The following ROBO1 variants were observed in gnomAD, a reference collection of about 807,000 sequenced individuals.
The protein encoded by ROBO1 is roundabout guidance receptor 1.
ROBO1 carries 149 observed loss-of-function variants against 195.9 expected under a neutral mutation model. The ratio of observed to expected loss-of-function variants is 0.76; its 90% CI spans 0.67 to 0.87. The LOEUF (loss-of-function observed/expected upper bound fraction) is 0.87, where lower values mean the gene tolerates loss of function less well. Ranked by LOEUF, ROBO1 falls within the 40% of genes least tolerant of loss-of-function variation. ROBO1 has a pLI of 0.00. For synonymous variants in ROBO1, 816 were observed against 733.2 expected, an observed-to-expected ratio of 1.11 and a Z score of -1.82; for missense variants, 1,933 against 2,068.3, an observed-to-expected ratio of 0.93 and a Z score of 1.27.
At chr3:79,604,029 T>C (rs186108655) in intron 1 of ROBO1, among the ~76,000 whole-genome samples, 24 of 152,184 alleles carry the variant, frequency 1.6e-4, no homozygotes, top group African/African-American at 5.5e-4. Context: ...GCAGGAGTTG[T>C]TCTTTTAATA....
At chr3:79,445,650 T>A (rs568112127) in intron 2 of ROBO1, among the ~76,000 whole-genome samples, 6 of 149,646 alleles carry the variant, frequency 4.0e-5, no homozygotes, top group Admixed American at 6.6e-5. Flanking sequence ...GTGCACACCA[T>A]CAGGCCTGGC....
chr3:79,652,878 T>C (rs1946052551), intron 1 of ROBO1, among the ~76,000 whole-genome samples: 1 of 152,016 alleles, frequency 6.6e-6, no homozygotes, highest in Admixed American at 6.6e-5. Context: ...AAATATTCTA[T>C]TTCAAATGGA....
At chr3:79,634,696 C>A (rs1267470959) in intron 1 of ROBO1, among the ~76,000 whole-genome samples, 1 of 152,022 alleles carries the variant, frequency 6.6e-6, no homozygotes, top group Non-Finnish European at 1.5e-5. Context: ...TAAAATTCAT[C>A]ATCATAAATT....
At chr3:79,749,270 G>T (rs916602905) in intron 1 of ROBO1, among the ~76,000 whole-genome samples, 2 of 152,196 alleles carry the variant, frequency 1.3e-5, no homozygotes, top group South Asian at 2.1e-4. Flanking sequence ...TCTGGCAGAA[G>T]AAATTTCTAA....
At position 78,661,072 on chromosome 3, in the gene ROBO1, C is replaced by T; in HGVS notation, c.2278G>A (p.Gly760Arg). 1 of 1,613,380 alleles carries T rather than the reference C, an allele frequency of 6.2e-7. No homozygotes were observed. Among genetic ancestry groups the T allele is most frequent in the Non-Finnish European group, 8.5e-7 (1 of 1,179,602 alleles). ...KARPFFNEFQ[G>R]ADSEIKFAKT... ...GCAAACTTGATTTCACTATCTGCTC[C>T]TTGAAATTCATTAAAAAAAGGGCGA... Residue 760 changes from glycine to arginine, a missense_variant, in exon 16 of 31, where the codon GGA becomes AGA. By Grantham distance (125) the Gly-to-Arg change is moderately radical. This residue lies in a region of ROBO1 where 1,737 missense variants were observed against 1,882.5 expected (regional missense o/e 0.92). Transcript: ENST00000464233.
chr3:79,483,569 G>A (rs953648851), intron 2 of ROBO1, among the ~76,000 whole-genome samples: 6 of 152,018 alleles, frequency 3.9e-5, no homozygotes, highest in Non-Finnish European at 5.9e-5. Context: ...TACATACTTG[G>A]GCTATAGGAT....
rs75551814 is a variant in ROBO1, at chr3:79,082,687, G to T, written c.172+42769C>A. On this transcript the variant is annotated intron_variant, in intron 3 of 30. Transcript: ENST00000464233. ...ATCCCAGTTAGTTGTCTCTATGCCT[G>T]CCCCACCCAGTGTCTTACTATGTTA... Among the ~76,000 whole-genome samples the T allele has an allele frequency of 3.2e-4, 48 of 152,200 alleles. No homozygotes were observed. The East Asian group carries it at 9.1e-3, about 29-fold the overall frequency.
intron 1 of ROBO1, among the ~76,000 whole-genome samples, chr3:79,736,068 G>A (rs7431063): frequency 0.62 from 94,747 of 152,002 alleles, 29,854 homozygotes; most frequent in Middle Eastern, 0.69. Flanking sequence ...AGTAAATGAG[G>A]CAGAGAAGGC....
chr3:79,285,381 A>C (rs928185118), intron 2 of ROBO1, among the ~76,000 whole-genome samples: 40 of 152,218 alleles, frequency 2.6e-4, no homozygotes, highest in Admixed American at 2.5e-3. Flanking sequence ...GCATTACTAA[A>C]TAGGTCAAAG....
chr3:79,204,453 C>T (rs756186657), intron 2 of ROBO1, among the ~76,000 whole-genome samples: 28 of 151,992 alleles, frequency 1.8e-4, no homozygotes, highest in East Asian at 1.2e-3. Flanking sequence ...TCCCCAGTGG[C>T]GGCTGACTAC....
intron 2 of ROBO1, among the ~76,000 whole-genome samples, chr3:79,510,941 C>G (rs779212323): frequency 4.0e-4 from 61 of 152,064 alleles, no homozygotes; most frequent in Non-Finnish European, 7.8e-4. Flanking sequence ...CACTAGGGTG[C>G]CTGAGTTCCT....
chr3:79,272,491 T>C (rs940560170), intron 2 of ROBO1, among the ~76,000 whole-genome samples: 1 of 152,014 alleles, frequency 6.6e-6, no homozygotes, highest in African/African-American at 2.4e-5. Context: ...TTTAACATCA[T>C]ATTAAGGAAA....
intron 4 of ROBO1, among the ~76,000 whole-genome samples, chr3:78,814,233 TATA>T (rs768172334): frequency 6.4e-4 from 97 of 152,088 alleles, no homozygotes; most frequent in Non-Finnish European, 1.2e-3. Flanking sequence ...CCAATATTGA[TATA>T]ATGTGAGCCA....
intron 2 of ROBO1, among the ~76,000 whole-genome samples, chr3:79,474,678 G>A (rs1407058116): frequency 6.6e-6 from 1 of 151,640 alleles, no homozygotes; most frequent in African/African-American, 2.4e-5. Context: ...AATTATTTTT[G>A]AAAAAAAGAA....
chr3:79,392,956 A>G (rs2037010686), intron 2 of ROBO1, among the ~76,000 whole-genome samples: 1 of 152,270 alleles, frequency 6.6e-6, no homozygotes, highest in African/African-American at 2.4e-5. Context: ...ACCTAGTCAA[A>G]TCTGGAAAAG....
At chr3:79,137,281 G>GA (rs1297603202) in intron 2 of ROBO1, among the ~76,000 whole-genome samples, 7 of 151,752 alleles carry the variant, frequency 4.6e-5, no homozygotes, top group Admixed American at 1.3e-4. Context: ...TTTGGGAAAA[G>GA]AAAAAAAGTC....
chr3:78,899,405 T>C (rs139120055), intron 4 of ROBO1, among the ~76,000 whole-genome samples: 15 of 152,332 alleles, frequency 9.8e-5, no homozygotes, highest in African/African-American at 2.2e-4. Flanking sequence ...TAAATCATGG[T>C]AAATAGTTAT....
intron 4 of ROBO1, among the ~76,000 whole-genome samples, chr3:78,787,982 C>T (rs1277397761): frequency 4.7e-5 from 6 of 128,784 alleles, no homozygotes; most frequent in Non-Finnish European, 9.4e-5. Context: ...CGCTGTCTCC[C>T]AGGCTGGAGT....
At chr3:78,613,845 C>A (rs1382584044) in intron 28 of ROBO1, among the ~76,000 whole-genome samples, 1 of 152,100 alleles carries the variant, frequency 6.6e-6, no homozygotes, top group Non-Finnish European at 1.5e-5. Flanking sequence ...AAGTCCTAAT[C>A]AGATTTTGTT....
Sources: gnomAD v4.1 joint callset for allele counts (sites outside exome capture counted in the v4.1 genomes callset) on GRCh38, gnomAD v4.1.1 for gene constraint, gnomAD v4.1.1 regional missense constraint, MANE v1.5 for transcripts, NCBI Gene and HGNC (gene_info 2026-07-23, HGNC 2026-07-21) for gene names.